Variants in COL21A1 observed in about 807,000 individuals in gnomAD.
COL21A1 encodes collagen alpha-1(XXI) chain.
Under a neutral mutation model 137.9 loss-of-function variants are expected in COL21A1, and 149 were observed. That is an observed-to-expected ratio of 1.08 (90% confidence interval 0.95 to 1.24). The LOEUF (loss-of-function observed/expected upper bound fraction) is 1.24, where lower values mean the gene tolerates loss of function less well. Among genes scored for constraint, COL21A1 ranks in the 50% most tolerant of loss-of-function variants. The probability of loss-of-function intolerance (pLI) is 0.00; values close to 1 mark genes in which losing one functional copy is unlikely to be tolerated. For synonymous variants in COL21A1, 456 were observed against 391.5 expected (o/e 1.16, Z -1.95); for missense variants, 1,167 against 1,158.4 (o/e 1.01, Z -0.11).
At chr6:56,130,006 C>A (rs1218805285) in intron 12 of COL21A1, among the ~76,000 whole-genome samples, 1 of 150,382 alleles carries the variant, frequency 6.6e-6, no homozygotes, top group African/African-American at 2.4e-5. Flanking sequence ...TATCTAAGAT[C>A]CAGAATGTGT....
At chr6:56,362,613 G>C (rs1346202679) in intron 1 of COL21A1, among the ~76,000 whole-genome samples, 1 of 152,042 alleles carries the variant, frequency 6.6e-6, no homozygotes, top group Non-Finnish European at 1.5e-5. Context: ...TTCCTTCAAA[G>C]ATATGCTCCT....
intron 1 of COL21A1, among the ~76,000 whole-genome samples, chr6:56,350,689 T>C (rs143708332): frequency 2.6e-5 from 4 of 152,280 alleles, no homozygotes; most frequent in African/African-American, 9.6e-5. Flanking sequence ...GAAGAAGATA[T>C]AAGCATTGCC....
chr6:56,066,003 C>T (rs868385110), intron 23 of COL21A1, among the ~76,000 whole-genome samples: 3 of 151,746 alleles, frequency 2.0e-5, no homozygotes, highest in African/African-American at 7.3e-5. Flanking sequence ...TATTTAGCAT[C>T]GATTATCATG....
intron 16 of COL21A1, among the ~76,000 whole-genome samples, chr6:56,104,367 A>G (rs1256193206): frequency 1.3e-5 from 2 of 152,184 alleles, no homozygotes; most frequent in African/African-American, 4.8e-5. Flanking sequence ...TTACAAGATA[A>G]TGGCCAGTCA....
At chr6:56,169,004 C>T (rs1174762230) in intron 5 of COL21A1, among the ~76,000 whole-genome samples, 1 of 151,900 alleles carries the variant, frequency 6.6e-6, no homozygotes, top group Admixed American at 6.6e-5. Flanking sequence ...CTTGAACTAC[C>T]CCCCAGAGTT....
intron 1 of COL21A1, among the ~76,000 whole-genome samples, chr6:56,235,118 A>G (rs1430582892): frequency 6.6e-6 from 1 of 151,894 alleles, no homozygotes; most frequent in Non-Finnish European, 1.5e-5. Flanking sequence ...TTATAGATTA[A>G]TGTTCAGGGT....
Position 56,059,152 on chromosome 6 carries a change from T to C in COL21A1, c.2686+13A>G. 1 of 1,605,240 alleles carries C rather than the reference T, an allele frequency of 6.2e-7. No homozygotes were observed. The highest frequency in any genetic ancestry group is 8.5e-7 in the Non-Finnish European group (1 of 1,172,820). On this transcript the variant is annotated intron_variant, in intron 29 of 29. Transcript: ENST00000244728. ...ATGAGCAGTAACACTTATGAGCAGG[T>C]AGCAATTCTCACCTGGGGGACCAGG...
intron 16 of COL21A1, 105 bp from the exon 17 acceptor site, chr6:56,101,630 G>T: frequency 1.3e-6 from 1 of 783,306 alleles, no homozygotes; most frequent in Non-Finnish European, 2.0e-6. Context: ...AATACAAACA[G>T]AAAAATTAAA....
At chr6:56,070,138 T>C (rs1766617732) in intron 21 of COL21A1, among the ~76,000 whole-genome samples, 1 of 151,608 alleles carries the variant, frequency 6.6e-6, no homozygotes, top group African/African-American at 2.4e-5. Flanking sequence ...ACATGCTTCA[T>C]GGTTCTGTTT....
At position 56,166,910 on chromosome 6, in the gene COL21A1, C is replaced by A. The variant is rs748887167; in HGVS notation, c.1274G>T (p.Gly425Val). ...NNRETACEIP[G>V]FNGECLNGPS... ...AAAACAATCCCTCCTACTTACAAATCCAGGAATCTCACATGCTGTCTCCCG... is the reference window on the plus strand; with the variant it reads ...AAAACAATCCCTCCTACTTACAAATACAGGAATCTCACATGCTGTCTCCCG... Residue 425 changes from glycine (G) to valine (V), a missense_variant, in exon 7 of 30, where the codon GGA (glycine) becomes GTA (valine). By Grantham distance (109) the Gly-to-Val change is moderately radical. Transcript: ENST00000244728. 3.7e-6 allele frequency: 6 copies of A among 1,611,678 alleles called. No homozygotes were observed. In the African/African-American group the frequency reaches 5.3e-5, roughly 14 times the overall value.
intron 1 of COL21A1, among the ~76,000 whole-genome samples, chr6:56,286,731 C>G (rs1036345423): frequency 6.6e-6 from 1 of 152,128 alleles, no homozygotes; most frequent in Non-Finnish European, 1.5e-5. Flanking sequence ...ATAATAGCCT[C>G]TACTTACCTC....
At chr6:56,090,868 AAGTTGGTTT>A (rs1768744731) in intron 17 of COL21A1, among the ~76,000 whole-genome samples, 1 of 152,122 alleles carries the variant, frequency 6.6e-6, no homozygotes, top group African/African-American at 2.4e-5. Context: ...TTTCAAGTTA[AAGTTGGTTT>A]ACTCGGCACA....
intron 1 of COL21A1, among the ~76,000 whole-genome samples, chr6:56,192,640 C>T (rs369259373): frequency 6.6e-5 from 10 of 152,234 alleles, no homozygotes; most frequent in African/African-American, 2.4e-4. Context: ...AATGAGATAC[C>T]ATCTCATGCC....
intron 3 of COL21A1, among the ~76,000 whole-genome samples, chr6:56,177,231 A>G (rs1777556584): frequency 6.6e-6 from 1 of 152,166 alleles, no homozygotes; most frequent in Non-Finnish European, 1.5e-5. Context: ...GAGAAATAAT[A>G]GGTCCATAAA....
At chr6:56,103,142 A>G (rs1426112961) in intron 16 of COL21A1, among the ~76,000 whole-genome samples, 1 of 152,188 alleles carries the variant, frequency 6.6e-6, no homozygotes, top group African/African-American at 2.4e-5. Flanking sequence ...ACCAGGCAAG[A>G]TCAACTTCTT....
At chr6:56,093,202 G>C (rs1465664038) in intron 17 of COL21A1, among the ~76,000 whole-genome samples, 1 of 151,740 alleles carries the variant, frequency 6.6e-6, no homozygotes, top group African/African-American at 2.4e-5. Flanking sequence ...CTCGGGGAAG[G>C]GTAATTTTCA....
chr6:56,229,390 T>A (rs1056070126), intron 1 of COL21A1, among the ~76,000 whole-genome samples: 9 of 151,922 alleles, frequency 5.9e-5, no homozygotes, highest in African/African-American at 2.2e-4. Flanking sequence ...ATATGCATTA[T>A]TTTAAAATCA....
intron 1 of COL21A1, among the ~76,000 whole-genome samples, chr6:56,227,198 A>G (rs971216518): frequency 6.6e-6 from 1 of 152,034 alleles, no homozygotes; most frequent in Admixed American, 6.6e-5. Context: ...CCAGATGTGA[A>G]GTTCATATGA....
chr6:56,231,663 T>G (rs557853362), intron 1 of COL21A1, among the ~76,000 whole-genome samples: 1 of 151,980 alleles, frequency 6.6e-6, no homozygotes, highest in East Asian at 1.9e-4. Context: ...ATCAGCTTTC[T>G]AAGCTGCAAA....
Sources: gnomAD v4.1 joint callset for allele counts (sites outside exome capture counted in the v4.1 genomes callset) on GRCh38, gnomAD v4.1.1 for gene constraint, MANE v1.5 for transcripts, NCBI Gene and HGNC (gene_info 2026-07-23, HGNC 2026-07-21) for gene names.